The following RNFT2 variants were observed in gnomAD, a reference collection of about 807,000 sequenced individuals.
The protein encoded by RNFT2 is E3 ubiquitin-protein ligase RNFT2.
In RNFT2, 36 loss-of-function variants were observed where a neutral mutation model predicts 53.0. That is an observed-to-expected ratio of 0.68 (90% CI 0.52 to 0.90). RNFT2 has a LOEUF of 0.90. Ranked by LOEUF, RNFT2 falls within the 40% of genes least tolerant of loss-of-function variation. The probability of loss-of-function intolerance (pLI) is 0.00; values close to 1 mark genes in which losing one functional copy is unlikely to be tolerated. For missense variants in RNFT2, 514 were observed against 585.6 expected, an observed-to-expected ratio of 0.88 and a Z score of 1.26; for synonymous variants, 260 against 253.2, an observed-to-expected ratio of 1.03 and a Z score of -0.26.
intron 5 of RNFT2, among the ~76,000 whole-genome samples, chr12:116,766,114 A>T (rs995246355): frequency 1.5e-4 from 22 of 148,064 alleles, no homozygotes; most frequent in Non-Finnish European, 4.4e-5. Flanking sequence ...TCTAAAAAAA[A>T]ATAAAAATTT....
In RNFT2 at chr12:116,835,993, A is replaced by G; in HGVS notation, c.1066A>G (p.Arg356Gly). ...CATCTGTGGACGTGTGGGCGGAGTT[A>G]GGAAAGCCCTGAAGCTTCTCTGTAC... ...FDICGRVGGV[R>G]KALKLLCTSQ... Residue 356 changes from arginine (R) to glycine (G), a missense_variant, in exon 9 of 11, where the codon AGG (arginine) becomes GGG (glycine). Physicochemically the swap from Arg to Gly is moderately radical, Grantham distance 125. Transcript: ENST00000257575. The G allele has an allele frequency of 6.2e-7, 1 of 1,614,010 alleles. No homozygotes were observed. Among genetic ancestry groups the G allele is most frequent in the South Asian group, 1.1e-5 (1 of 91,080 alleles).
chr12:116,827,135 G>A (rs373574043), intron 7 of RNFT2, among the ~76,000 whole-genome samples: 17 of 150,818 alleles, frequency 1.1e-4, no homozygotes, highest in South Asian at 4.2e-4. Flanking sequence ...CAGGAGAATC[G>A]TTTGAATCCA....
At chr12:116,766,792 A>ATATC in intron 5 of RNFT2, 22 bp from the exon 6 acceptor site, 1 of 1,555,116 alleles carries the variant, frequency 6.4e-7, no homozygotes, top group Non-Finnish European at 8.7e-7. Flanking sequence ...TTGATATCAC[A>ATATC]TATCTCTTGC....
At chr12:116,751,893 C>A (rs1020779590) in intron 4 of RNFT2, among the ~76,000 whole-genome samples, 2 of 152,040 alleles carry the variant, frequency 1.3e-5, no homozygotes, top group African/African-American at 4.8e-5. Flanking sequence ...AGTGATCCAC[C>A]TGCCTTGGCC....
intron 7 of RNFT2, among the ~76,000 whole-genome samples, chr12:116,831,599 T>C (rs754525065): frequency 6.0e-4 from 91 of 152,088 alleles, no homozygotes; most frequent in Non-Finnish European, 1.2e-3. Context: ...TCTTTGCACC[T>C]ATCTCTGATT....
chr12:116,824,766 C>A (rs1392704696), intron 7 of RNFT2, among the ~76,000 whole-genome samples: 1 of 152,122 alleles, frequency 6.6e-6, no homozygotes, highest in Non-Finnish European at 1.5e-5. Context: ...ATAAGGGAAC[C>A]AATCCCATCA....
chr12:116,797,612 C>A (rs1163122862), intron 7 of RNFT2, among the ~76,000 whole-genome samples: 1 of 151,404 alleles, frequency 6.6e-6, no homozygotes, highest in Non-Finnish European at 1.5e-5. Flanking sequence ...CAAAGAGGGG[C>A]TTAGACTGTG....
At chr12:116,789,848 AGT>A (rs1347886147) in intron 7 of RNFT2, among the ~76,000 whole-genome samples, 2 of 143,174 alleles carry the variant, frequency 1.4e-5, no homozygotes, top group African/African-American at 2.6e-5. Flanking sequence ...ATGGGAGGAG[AGT>A]GAGTAGATGG....
intron 4 of RNFT2, among the ~76,000 whole-genome samples, chr12:116,753,045 C>T (rs1339335088): frequency 2.0e-5 from 3 of 151,790 alleles, no homozygotes; most frequent in African/African-American, 7.3e-5. Context: ...TGCCATCTGC[C>T]TGGGTCATGT....
At position 116,836,257 on chromosome 12, in the gene RNFT2, G is replaced by C; in HGVS notation, c.1175G>C (p.Arg392Pro). ...TGCGCCATCTGTCAGGCCGAGTTCC[G>C]AGAGCCTCTGATTCTCCTGTGCCAG... ...DICAICQAEF[R>P]EPLILLCQHV... Residue 392 changes from arginine to proline, a missense_variant, in exon 10 of 11, where the codon CGA becomes CCA. Arg to Pro is a moderately radical substitution (Grantham distance 103, BLOSUM62 -2). This residue lies in a region of RNFT2 where 273 missense variants were observed against 334.4 expected (regional missense o/e 0.82). Transcript: ENST00000257575. 6.3e-7 allele frequency: 1 copy of C among 1,580,302 alleles called. No homozygotes were observed. Among genetic ancestry groups the C allele is most frequent in the Non-Finnish European group, 8.6e-7 (1 of 1,163,162 alleles).
At chr12:116,763,616 TAAC>T (rs1035018757) in intron 5 of RNFT2, among the ~76,000 whole-genome samples, 54 of 32,776 alleles carry the variant, frequency 1.6e-3, no homozygotes, top group Admixed American at 3.7e-3. Flanking sequence ...AAAAAAAAAA[TAAC>T]AAAAAAAAAA....
chr12:116,782,094 A>AAAAAAAAAAAAAAAAAAAAAAAAC (rs56234630), intron 7 of RNFT2: 1 of 149,104 alleles, frequency 6.7e-6, no homozygotes, highest in African/African-American at 2.5e-5. Flanking sequence ...AAAAAAAAAA[A>AAAAAAAAAAAAAAAAAAAAAAAAC]TGTGGACATC....
chr12:116,805,121 C>CTTTTTTTTTTTTTTTT (rs35830752), intron 7 of RNFT2, among the ~76,000 whole-genome samples: 1 of 143,340 alleles, frequency 7.0e-6, no homozygotes. Flanking sequence ...AAGACATTGT[C>CTTTTTTTTTTTTTTTT]TTTTTTTTTT....
chr12:116,785,828 C>T (rs1348323666), intron 7 of RNFT2, among the ~76,000 whole-genome samples: 4 of 152,038 alleles, frequency 2.6e-5, no homozygotes, highest in African/African-American at 7.2e-5. Context: ...ATGGGTGGAT[C>T]GCTCGAGTTC....
At chr12:116,841,119 C>G (rs1877226683) in intron 10 of RNFT2, among the ~76,000 whole-genome samples, 3 of 152,138 alleles carry the variant, frequency 2.0e-5, no homozygotes, top group Admixed American at 2.0e-4. Flanking sequence ...CAGCTTAAAG[C>G]AACAAATGTT....
At chr12:116,786,388 G>T (rs146332976) in intron 7 of RNFT2, among the ~76,000 whole-genome samples, 2,348 of 152,214 alleles carry the variant, frequency 0.015, 74 homozygotes, top group African/African-American at 0.053. Context: ...TGGGATTACA[G>T]GCATGAGCCA....
At chr12:116,741,196 GTTAGAGTCACACTGA>G in intron 3 of RNFT2, 102 bp downstream of exon 3, 1 of 870,888 alleles carries the variant, frequency 1.1e-6, no homozygotes, top group South Asian at 1.4e-5. Flanking sequence ...AGCGTTAGTT[GTTAGAGTCACACTGA>G]TGGCCTCATA....
rs117717302 is a variant in RNFT2 at position 116,805,005 on chromosome 12, A to G, written c.882+25657A>G. Among the ~76,000 whole-genome samples, 121 of 152,274 alleles carry G rather than the reference A, an allele frequency of 7.9e-4. 1 individual carries two copies. The East Asian group carries it at 0.02, about 25-fold the overall frequency. On this transcript the variant is annotated intron_variant, in intron 7 of 10. Transcript: ENST00000257575. ...GCTATAGCAATTTACACTTCTTCCA[A>G]TGCTGGATACAAGTTGTTTTTTCTT... is the stretch of plus-strand genomic sequence containing the variant.
chr12:116,776,925 T>TTTC (rs1873455639), intron 6 of RNFT2, among the ~76,000 whole-genome samples: 1 of 149,630 alleles, frequency 6.7e-6, no homozygotes, highest in Non-Finnish European at 1.5e-5. Flanking sequence ...GATTTTTTTT[T>TTTC]TTTTTTTTTT....
Sources: gnomAD v4.1 joint callset for allele counts (sites outside exome capture counted in the v4.1 genomes callset) on GRCh38, gnomAD v4.1.1 for gene constraint, gnomAD v4.1.1 regional missense constraint, MANE v1.5 for transcripts, NCBI Gene and HGNC (gene_info 2026-07-23, HGNC 2026-07-21) for gene names.